Variants in EXOC6B observed in about 807,000 individuals in gnomAD.
EXOC6B encodes the protein exocyst complex component 6B, also known as SEC15 homolog B.
EXOC6B carries 54 observed loss-of-function variants against 113.5 expected under a neutral mutation model. The observed-to-expected ratio is 0.48, with a 90% confidence interval of 0.38 to 0.60. The LOEUF (loss-of-function observed/expected upper bound fraction) is 0.60. EXOC6B is among the 20% of genes least tolerant of loss of function. The probability of loss-of-function intolerance (pLI) is 0.00; values close to 1 mark genes in which losing one functional copy is unlikely to be tolerated. For missense variants in EXOC6B, 797 were observed against 977.5 expected, an observed-to-expected ratio of 0.82 and a Z score of 2.46; for synonymous variants, 357 against 339.0, an observed-to-expected ratio of 1.05 and a Z score of -0.58.
chr2:72,481,184 T>C (rs1222382358), intron 16 of EXOC6B, among the ~76,000 whole-genome samples: 1 of 152,186 alleles, frequency 6.6e-6, no homozygotes, highest in African/African-American at 2.4e-5. Flanking sequence ...ACCATGATTA[T>C]AAGTTTCCTG....
chr2:72,707,527 C>T (rs1678966687), intron 6 of EXOC6B, among the ~76,000 whole-genome samples: 1 of 151,834 alleles, frequency 6.6e-6, no homozygotes, highest in African/African-American at 2.4e-5. Flanking sequence ...GATTCTCCTG[C>T]CTCAGCCTCC....
intron 17 of EXOC6B, among the ~76,000 whole-genome samples, chr2:72,467,345 A>G (rs1698118552): frequency 6.6e-6 from 1 of 152,220 alleles, no homozygotes. Context: ...TCTGGAAATA[A>G]ACCCAGTAGT....
chr2:72,410,365 GTGGTCTGTTTCATCTGAA>G lies in EXOC6B; in HGVS notation c.1981-30513_1981-30496del, dbSNP rs575065676. Among the ~76,000 whole-genome samples the G allele has an allele frequency of 3.8e-3, 581 of 152,298 alleles. 5 individuals are homozygous for G. The highest frequency in any genetic ancestry group is 0.013 in the African/African-American group (559 of 41,562). On this transcript the variant is annotated intron_variant, in intron 18 of 21. Coordinates refer to ENST00000272427, the MANE Select transcript of EXOC6B (RefSeq NM_015189.3). Reference sequence around the variant, plus strand: ...ATGACTGTCTAAAAACACAAAATGTGTGGTCTGTTTCATCTGAATGCTTGTAGTTATAACTGAAAACTA... The same window carrying G: ...ATGACTGTCTAAAAACACAAAATGTGTGCTTGTAGTTATAACTGAAAACTA...
At chr2:72,350,538 G>C (rs142094062) in intron 19 of EXOC6B, among the ~76,000 whole-genome samples, 101 of 152,286 alleles carry the variant, frequency 6.6e-4, no homozygotes, top group African/African-American at 2.3e-3. Flanking sequence ...TTGGAACTAA[G>C]AGCTCAGTTT....
At chr2:72,394,223 A>G (rs566179108) in intron 18 of EXOC6B, among the ~76,000 whole-genome samples, 4 of 152,310 alleles carry the variant, frequency 2.6e-5, no homozygotes, top group African/African-American at 9.6e-5. Context: ...TAAGTATTTT[A>G]TGAATGCATC....
chr2:72,242,632 A>G (rs1383421406), intron 20 of EXOC6B, among the ~76,000 whole-genome samples: 3 of 152,240 alleles, frequency 2.0e-5, no homozygotes, highest in Non-Finnish European at 2.9e-5. Flanking sequence ...TAATCCAACA[A>G]TATCAATAGT....
rs139462601 is a variant in EXOC6B at position 72,393,038 on chromosome 2, T to G, written c.1981-13168A>C. On this transcript the variant is annotated intron_variant, in intron 18 of 21. Coordinates refer to ENST00000272427, the MANE Select transcript of EXOC6B (RefSeq NM_015189.3). ...CTGCAGCTTACAGCTTAGAAATGAG[T>G]CAAGGAAAAAGGGGAACTTAATGAA... Among the ~76,000 whole-genome samples the G allele has an allele frequency of 5.2e-4, 79 of 151,784 alleles. 1 individual carries two copies. In the East Asian group the frequency reaches 0.014, roughly 27 times the overall value.
intron 20 of EXOC6B, among the ~76,000 whole-genome samples, chr2:72,317,168 T>TA (rs1687566114): frequency 6.6e-6 from 1 of 151,466 alleles, no homozygotes; most frequent in African/African-American, 2.4e-5. Context: ...TTTTTTTTTT[T>TA]AAATAGTAGG....
rs190413765 is a variant in EXOC6B at position 72,388,069 on chromosome 2, G to A, written c.1981-8199C>T. Among the ~76,000 whole-genome samples, 32 of 152,238 alleles carry A rather than the reference G, an allele frequency of 2.1e-4. No individual in the cohort carries two copies. The East Asian group carries it at 5.8e-3, about 28-fold the overall frequency. On this transcript the variant is annotated intron_variant, in intron 18 of 21. Coordinates refer to ENST00000272427, the MANE Select transcript of EXOC6B (RefSeq NM_015189.3). ...TTGTCACAACTGGCAGGAGGTGGAA[G>A]GAGGGGAGAAACGCTACTGGCATAT...
chr2:72,713,480 G>A (rs533792068), intron 6 of EXOC6B, among the ~76,000 whole-genome samples: 1 of 151,630 alleles, frequency 6.6e-6, no homozygotes, highest in African/African-American at 2.4e-5. Context: ...CGTGCACAAT[G>A]TGCAGGTTAG....
intron 8 of EXOC6B, among the ~76,000 whole-genome samples, chr2:72,558,298 G>C (rs1703684052): frequency 6.6e-6 from 1 of 152,002 alleles, no homozygotes; most frequent in Non-Finnish European, 1.5e-5. Context: ...GAAGACAGAG[G>C]AGAAAGAGAG....
chr2:72,679,777 T>G (rs1676559255), intron 6 of EXOC6B, among the ~76,000 whole-genome samples: 1 of 151,974 alleles, frequency 6.6e-6, no homozygotes, highest in African/African-American at 2.4e-5. Flanking sequence ...AAAAGAGAAA[T>G]GGAATATAAA....
intron 1 of EXOC6B, among the ~76,000 whole-genome samples, chr2:72,745,842 CTT>C (rs1316499554): frequency 6.6e-6 from 1 of 152,092 alleles, no homozygotes; most frequent in African/African-American, 2.4e-5. Context: ...ATAAACAAGA[CTT>C]AAACACTGAA....
intron 6 of EXOC6B, among the ~76,000 whole-genome samples, chr2:72,593,036 T>C (rs1328323649): frequency 1.3e-5 from 2 of 152,104 alleles, no homozygotes; most frequent in Non-Finnish European, 2.9e-5. Context: ...TAATTAATCA[T>C]GTATATGCAA....
rs1346756123 is a variant in EXOC6B, at chr2:72,247,216, T to C, written c.2197-63029A>G. ...ACAGAGATGCTGTTCTGTGGATTAT[T>C]TGATCTATTTTATTCCCATCGCAGA... On this transcript the variant is annotated intron_variant, in intron 20 of 21. Coordinates refer to ENST00000272427, the MANE Select transcript of EXOC6B (RefSeq NM_015189.3). Among the ~76,000 whole-genome samples, 9 of 152,214 alleles carry C rather than the reference T, an allele frequency of 5.9e-5. No individual in the cohort carries two copies. In the East Asian group the frequency reaches 1.7e-3, roughly 29 times the overall value.
chr2:72,250,515 G>GTT (rs559243287), intron 20 of EXOC6B, among the ~76,000 whole-genome samples: 10 of 149,786 alleles, frequency 6.7e-5, no homozygotes, highest in Admixed American at 6.0e-4. Context: ...GCTAATTTTT[G>GTT]TTTTTTTTTG....
At chr2:72,414,447 A>G (rs952280386) in intron 18 of EXOC6B, among the ~76,000 whole-genome samples, 1 of 151,844 alleles carries the variant, frequency 6.6e-6, no homozygotes, top group African/African-American at 2.4e-5. Context: ...ACTTATCCAC[A>G]ACGGAAAAAA....
intron 6 of EXOC6B, among the ~76,000 whole-genome samples, chr2:72,705,340 G>A (rs957446661): frequency 3.9e-5 from 6 of 151,980 alleles, no homozygotes; most frequent in African/African-American, 1.5e-4. Flanking sequence ...AATAATAAGA[G>A]CTATCTATGA....
intron 18 of EXOC6B, among the ~76,000 whole-genome samples, chr2:72,447,750 C>T (rs1696672886): frequency 6.6e-6 from 1 of 152,178 alleles, no homozygotes; most frequent in South Asian, 2.1e-4. Flanking sequence ...TGATGCTAAG[C>T]TGTGTCTTTC....
Sources: gnomAD v4.1 joint callset for allele counts (sites outside exome capture counted in the v4.1 genomes callset) on GRCh38, gnomAD v4.1.1 for gene constraint, MANE v1.5 for transcripts, NCBI Gene and HGNC (gene_info 2026-07-23, HGNC 2026-07-21) for gene names.